The following DNAAF5 variants were observed in gnomAD, a reference collection of about 807,000 sequenced individuals.
The protein encoded by DNAAF5 is dynein axonemal assembly factor 5, also known as HEAT repeat containing 2.
Under a neutral mutation model 75.8 loss-of-function variants are expected in DNAAF5, and 64 were observed. That is an observed-to-expected ratio of 0.84 (90% CI 0.69 to 1.04). The LOEUF (loss-of-function observed/expected upper bound fraction) is 1.04, where lower values mean the gene tolerates loss of function less well. DNAAF5 is among the 50% of genes least tolerant of loss of function. The pLI is 0.00. For synonymous variants in DNAAF5, 657 were observed against 557.2 expected (o/e 1.18, Z -2.52); for missense variants, 1,269 against 1,178.5 (o/e 1.08, Z -1.12).
chr7:763,996 C>T (rs775266159), intron 8 of DNAAF5, 22 bp downstream of exon 8: 22 of 1,598,724 alleles, frequency 1.4e-5, no homozygotes, highest in South Asian at 8.8e-5. Flanking sequence ...CGACAGCTGG[C>T]GTGCCGTGCC....
chr7:731,312 C>G (rs894535182), intron 2 of DNAAF5, among the ~76,000 whole-genome samples: 1 of 152,194 alleles, frequency 6.6e-6, no homozygotes, highest in African/African-American at 2.4e-5. Flanking sequence ...CCGTCACTGT[C>G]TAAAAATACC....
intron 11 of DNAAF5, among the ~76,000 whole-genome samples, chr7:775,714 G>A (rs1259628852): frequency 1.3e-5 from 2 of 152,220 alleles, no homozygotes; most frequent in Non-Finnish European, 2.9e-5. Context: ...AAAGCATCAT[G>A]TACACATTGC....
At chr7:751,983 C>G (rs758459689) in intron 4 of DNAAF5, among the ~76,000 whole-genome samples, 1 of 152,124 alleles carries the variant, frequency 6.6e-6, no homozygotes, top group Admixed American at 6.5e-5. Context: ...CCACAGCTGC[C>G]GAAACACTGG....
intron 6 of DNAAF5, 121 bp downstream of exon 6, chr7:757,115 C>G: frequency 1.0e-6 from 1 of 962,962 alleles, no homozygotes; most frequent in East Asian, 2.6e-5. Context: ...TCGGAAGCAC[C>G]CAGCGACGTG....
chr7:771,932 A>C (rs1417187146), intron 9 of DNAAF5: 1 of 151,268 alleles, frequency 6.6e-6, no homozygotes, highest in Non-Finnish European at 1.5e-5. Context: ...TAATGAACTT[A>C]CTAGCTATTT....
In DNAAF5 at chr7:785,904, C is replaced by T. The variant is rs914418061; in HGVS notation, c.*251C>T. The T allele has an allele frequency of 1.8e-4, 84 of 457,938 alleles. No individual in the cohort carries two copies. Among genetic ancestry groups the T allele is most frequent in the Non-Finnish European group, 3.1e-4 (80 of 259,218 alleles). 28.4% of individuals were successfully genotyped at this position (457,938 alleles called of 1,614,324 possible). A position where few individuals can be genotyped will look rare whatever the true frequency, so the allele number is the denominator to read the frequency against. ...AGCTGATTTGAAATTAAAAGTAAGT[C>T]GCAGCCGCTCCTCCCGCAGCCACTT... On this transcript the variant is annotated 3_prime_UTR_variant, in exon 13 of 13. Coordinates refer to ENST00000297440, the MANE Select transcript of DNAAF5 (RefSeq NM_017802.4).
In DNAAF5 at chr7:770,600, A is replaced by G. The variant is rs953476669; in HGVS notation, c.1913A>G (p.Asp638Gly). Residue 638 changes from aspartate (D) to glycine (G), a missense_variant, in exon 9 of 13, where the codon GAC becomes GGC. Transcript: ENST00000297440. ...TCCACCGTGCTGCTCAGAGCCACGG[A>G]CACCATCAACTCCCAGGGGTAGGTC... ...ILSTVLLRAT[D>G]TINSQGQFPS... is the part of the protein sequence containing the mutation. 3 of 1,613,536 alleles carry G rather than the reference A, an allele frequency of 1.9e-6. No individual in the cohort carries two copies. The African/African-American group carries it at 4.0e-5, about 22-fold the overall frequency.
intron 2 of DNAAF5, among the ~76,000 whole-genome samples, chr7:739,912 G>C (rs1781853842): frequency 6.6e-6 from 1 of 152,200 alleles, no homozygotes; most frequent in South Asian, 2.1e-4. Context: ...ACCTACGACT[G>C]GCTGTGAGCG....
intron 8 of DNAAF5, among the ~76,000 whole-genome samples, chr7:767,965 C>G (rs1192456527): frequency 1.4e-5 from 2 of 142,894 alleles, no homozygotes; most frequent in Non-Finnish European, 3.0e-5. Flanking sequence ...TGTCCGCCAG[C>G]AGGAGCGCTC....
intron 10 of DNAAF5, 143 bp from the exon 11 acceptor site, chr7:774,863 T>A: frequency 1.4e-6 from 1 of 722,084 alleles, no homozygotes. Flanking sequence ...AATCTAAATT[T>A]TACAATGAAG....
At chr7:757,067 C>G in intron 6 of DNAAF5, 73 bp downstream of exon 6, 2 of 1,430,384 alleles carry the variant, frequency 1.4e-6, no homozygotes, top group Non-Finnish European at 1.9e-6. Flanking sequence ...ATCGTAATGA[C>G]ATGTCTGTGG....
At position 754,797 on chromosome 7, in the gene DNAAF5, C is replaced by G; in HGVS notation, c.1233C>G (p.Asp411Glu). 4 of 1,606,720 alleles carry G rather than the reference C, an allele frequency of 2.5e-6. No individual in the cohort carries two copies. Among genetic ancestry groups the G allele is most frequent in the East Asian group, 2.2e-5 (1 of 44,636 alleles). Residue 411 changes from aspartate (D) to glutamate (E), a missense_variant, in exon 5 of 13, where the codon GAC (aspartate) becomes GAG (glutamate). Physicochemically the swap from Asp to Glu is conservative, Grantham distance 45 (BLOSUM62 2). Transcript: ENST00000297440. This position sits in a 1 kb window ranked among gnomAD's most constrained non-coding sequence, Gnocchi z 4.8. ...GGACCCTGTTCCAGGCCTGCACCGA[C>G]GAGGAGGCAGCCGTGGTCCAAAGTG... The part of the protein sequence containing the change: ...VLRTLFQACT[D>E]EEAAVVQSCT...
rs560255622 is a variant in DNAAF5 at position 764,060 on chromosome 7, G to A, written c.1783+86G>A. 66 of 1,429,966 alleles carry A rather than the reference G, an allele frequency of 4.6e-5. No homozygotes were observed. In the East Asian group the frequency reaches 6.2e-4, roughly 13 times the overall value. 88.6% of individuals were successfully genotyped at this position (1,429,966 alleles called of 1,614,324 possible). A position where few individuals can be genotyped will look rare whatever the true frequency, so the allele number is the denominator to read the frequency against. ...CCCCAGGTGCTCAGCAGGTACCAGC[G>A]CCGACCAGCTGAGCTGTGGTTCACT... On this transcript the variant is annotated intron_variant, in intron 8 of 12. Transcript: ENST00000297440.
intron 12 of DNAAF5, among the ~76,000 whole-genome samples, chr7:784,900 C>G (rs1039516634): frequency 6.6e-6 from 1 of 152,174 alleles, no homozygotes; most frequent in Admixed American, 6.5e-5. Flanking sequence ...TTTGAATGCA[C>G]GTTGTGACTG....
intron 12 of DNAAF5, among the ~76,000 whole-genome samples, chr7:782,329 G>A (rs576907639): frequency 4.0e-5 from 6 of 151,084 alleles, no homozygotes; most frequent in East Asian, 2.0e-4. Context: ...GTCACGCGGC[G>A]TCAGAAACTC....
Position 763,862 on chromosome 7 carries a change from C to T in DNAAF5, c.1671C>T (p.Asp557=). The T allele has an allele frequency of 6.2e-7, 1 of 1,613,452 alleles. No individual in the cohort carries two copies. Among genetic ancestry groups the T allele is most frequent in the Non-Finnish European group, 8.5e-7 (1 of 1,180,038 alleles). Residue 557 remains aspartate (D), a synonymous_variant, in exon 8 of 13, where the codon GAC becomes GAT. Coordinates refer to ENST00000297440, the MANE Select transcript of DNAAF5 (RefSeq NM_017802.4). ...TGGAGGGTGTCAGCAGCTGCCAGGA[C>T]CTCTACCGCAAGCACATTGGTCCCC... The part of the protein sequence containing the change: ...AMVEGVSSCQ[D]LYRKHIGPLL...
intron 4 of DNAAF5, among the ~76,000 whole-genome samples, chr7:752,292 G>A (rs1243445858): frequency 2.0e-5 from 3 of 152,020 alleles, no homozygotes; most frequent in East Asian, 3.9e-4. Context: ...GAGCTAGGGC[G>A]AAGCCTTTGT....
chr7:738,353 A>C (rs1463704375), intron 2 of DNAAF5, among the ~76,000 whole-genome samples: 1 of 152,020 alleles, frequency 6.6e-6, no homozygotes, highest in Non-Finnish European at 1.5e-5. Flanking sequence ...GGCTTCCTCA[A>C]ATAGCTATTT....
At chr7:732,043 A>G (rs1207479593) in intron 2 of DNAAF5, among the ~76,000 whole-genome samples, 1 of 152,040 alleles carries the variant, frequency 6.6e-6, no homozygotes. Flanking sequence ...AAATCACTGA[A>G]CTTCACTGGA....
Sources: allele counts gnomAD v4.1 joint callset (sites outside exome capture counted in the v4.1 genomes callset), GRCh38; gene constraint gnomAD v4.1.1; non-coding constraint Gnocchi (gnomAD v3.1); transcripts MANE v1.5; gene names NCBI Gene and HGNC (gene_info 2026-07-23, HGNC 2026-07-21).